The following PARD3B variants were observed in gnomAD, a reference collection of about 807,000 sequenced individuals.
PARD3B encodes the protein par-3 family cell polarity regulator beta.
Under a neutral mutation model 130.2 loss-of-function variants are expected in PARD3B, and 103 were observed. The observed-to-expected ratio is 0.79, with a 90% CI of 0.67 to 0.93. PARD3B has a LOEUF of 0.93. Among genes scored for constraint, PARD3B ranks in the 40% least tolerant of loss-of-function variants. PARD3B has a pLI of 0.00. For synonymous variants in PARD3B, 583 were observed against 553.2 expected (o/e 1.05, Z -0.76); for missense variants, 1,609 against 1,499.2 (o/e 1.07, Z -1.21).
chr2:205,202,509 A>T (rs1574373439), intron 15 of PARD3B, among the ~76,000 whole-genome samples: 1 of 152,342 alleles, frequency 6.6e-6, no homozygotes, highest in South Asian at 2.1e-4. Flanking sequence ...ATAATGCTTC[A>T]TATGTTTCTA....
intron 21 of PARD3B, among the ~76,000 whole-genome samples, chr2:205,512,018 A>G (rs1436875083): frequency 6.6e-6 from 1 of 152,206 alleles, no homozygotes; most frequent in Non-Finnish European, 1.5e-5. Flanking sequence ...AAATTCACAG[A>G]AAGCTTACCT....
intron 1 of PARD3B, among the ~76,000 whole-genome samples, chr2:204,649,551 C>T (rs2035407249): frequency 4.0e-5 from 6 of 151,720 alleles, no homozygotes; most frequent in Admixed American, 3.9e-4. Flanking sequence ...AACAACACCA[C>T]CACCACCACC....
At chr2:205,283,167 G>A (rs1051127139) in intron 16 of PARD3B, among the ~76,000 whole-genome samples, 1 of 152,174 alleles carries the variant, frequency 6.6e-6, no homozygotes, top group African/African-American at 2.4e-5. Flanking sequence ...TGAAGGATTG[G>A]TTCTTTCAGA....
At chr2:204,824,685 C>T (rs2043500502) in intron 2 of PARD3B, among the ~76,000 whole-genome samples, 1 of 152,156 alleles carries the variant, frequency 6.6e-6, no homozygotes, top group African/African-American at 2.4e-5. Flanking sequence ...AGTGTGGAAT[C>T]TAGACATGCC....
At chr2:204,927,461 C>A (rs1687706652) in intron 2 of PARD3B, among the ~76,000 whole-genome samples, 1 of 152,108 alleles carries the variant, frequency 6.6e-6, no homozygotes, top group South Asian at 2.1e-4. Context: ...ACTTCCCAGC[C>A]TTTAGAAGTG....
At chr2:204,950,651 G>T (rs572694834) in intron 2 of PARD3B, among the ~76,000 whole-genome samples, 1 of 152,126 alleles carries the variant, frequency 6.6e-6, no homozygotes, top group Non-Finnish European at 1.5e-5. Context: ...TTGTTTTTCA[G>T]TTCTTTCGTA....
chr2:205,154,271 A>G (rs753750080), intron 10 of PARD3B, among the ~76,000 whole-genome samples: 6 of 152,366 alleles, frequency 3.9e-5, no homozygotes, highest in Non-Finnish European at 7.3e-5. Context: ...GAAGACATTT[A>G]TGTAGCCAAC....
At chr2:205,404,377 C>T (rs2106026106) in intron 19 of PARD3B, among the ~76,000 whole-genome samples, 1 of 152,254 alleles carries the variant, frequency 6.6e-6, no homozygotes, top group East Asian at 1.9e-4. Context: ...GCAAATATTA[C>T]TCCATTTTAT....
intron 2 of PARD3B, among the ~76,000 whole-genome samples, chr2:204,852,184 T>C (rs1315790039): frequency 6.6e-6 from 1 of 152,076 alleles, no homozygotes; most frequent in Non-Finnish European, 1.5e-5. Context: ...TTTTTTTTTT[T>C]CTTGGCAAAC....
chr2:204,770,709 C>A (rs1042179711), intron 2 of PARD3B, among the ~76,000 whole-genome samples: 1 of 151,960 alleles, frequency 6.6e-6, no homozygotes, highest in Non-Finnish European at 1.5e-5. Flanking sequence ...AGGAAAAGAT[C>A]CACTACTCAT....
In PARD3B at chr2:205,564,009, C is replaced by T. The variant is rs967874508; in HGVS notation, c.3260+10606C>T. On this transcript the variant is annotated intron_variant, in intron 22 of 22. Transcript: ENST00000406610. This position sits in a 1 kb window ranked among gnomAD's most constrained non-coding sequence, Gnocchi z 4.6. ...TCTGGCAAGTACTTTAAATATGTCA[C>T]CTCATTTATTTCCTGTAACAATCCT... Among the ~76,000 whole-genome samples the T allele has an allele frequency of 4.6e-5, 7 of 152,210 alleles. No individual in the cohort carries two copies. The East Asian group carries it at 1.3e-3, about 29-fold the overall frequency.
intron 2 of PARD3B, among the ~76,000 whole-genome samples, chr2:204,928,161 C>G (rs6435260): frequency 0.58 from 88,092 of 151,808 alleles, 27,081 homozygotes; most frequent in African/African-American, 0.7. Flanking sequence ...TAGGCTATTG[C>G]CTGGTTTCAT....
At chr2:204,662,367 A>G (rs2035847282) in intron 1 of PARD3B, among the ~76,000 whole-genome samples, 1 of 152,226 alleles carries the variant, frequency 6.6e-6, no homozygotes, top group African/African-American at 2.4e-5. Flanking sequence ...GGCAACAGAT[A>G]CAGTGAGTTT....
At chr2:204,979,394 C>G (rs72942303) in intron 3 of PARD3B, among the ~76,000 whole-genome samples, 1,745 of 152,284 alleles carry the variant, frequency 0.011, 32 homozygotes, top group Non-Finnish European at 0.013. Context: ...TTTATCATGT[C>G]AACCACCTAA....
At chr2:204,732,507 C>T (rs1030262271) in intron 2 of PARD3B, among the ~76,000 whole-genome samples, 1 of 144,594 alleles carries the variant, frequency 6.9e-6, no homozygotes, top group Non-Finnish European at 1.5e-5. Flanking sequence ...GTAAGGATAT[C>T]TTTTTTTTTT....
At chr2:204,686,419 C>G in intron 2 of PARD3B, 137 bp downstream of exon 2, 1 of 659,308 alleles carries the variant, frequency 1.5e-6, no homozygotes, top group Non-Finnish European at 2.6e-6. Context: ...CTGGACAGCC[C>G]ATAAATCAAA....
intron 3 of PARD3B, among the ~76,000 whole-genome samples, chr2:205,018,744 A>AAAAAAAAAAAAG (rs1696358130): frequency 6.7e-6 from 1 of 148,446 alleles, no homozygotes; most frequent in Non-Finnish European, 1.5e-5. Flanking sequence ...AAAAAAAAAA[A>AAAAAAAAAAAAG]AAAAAAGCAC....
chr2:205,106,490 TGTGTGTGTGTG>T (rs2125581345), intron 5 of PARD3B, among the ~76,000 whole-genome samples: 1 of 20,504 alleles, frequency 4.9e-5, no homozygotes, highest in Non-Finnish European at 8.7e-5. Context: ...TATGTGTGTG[TGTGTGTGTGTG>T]TGTGTGTGTG....
At chr2:205,571,755 T>C (rs73060178) in intron 22 of PARD3B, among the ~76,000 whole-genome samples, 4,122 of 152,316 alleles carry the variant, frequency 0.027, 173 homozygotes, top group African/African-American at 0.094. Flanking sequence ...GCTGGCCTTA[T>C]TGGCTATTAA....
Sources: allele counts gnomAD v4.1 joint callset (sites outside exome capture counted in the v4.1 genomes callset), GRCh38; gene constraint gnomAD v4.1.1; non-coding constraint Gnocchi (gnomAD v3.1); transcripts MANE v1.5; gene names NCBI Gene and HGNC (gene_info 2026-07-23, HGNC 2026-07-21).